STXBP4: variants seen among roughly 807,000 people sequenced by gnomAD.
STXBP4 encodes syntaxin-binding protein 4.
STXBP4 carries 55 observed loss-of-function variants against 76.1 expected under a neutral mutation model. The observed-to-expected ratio is 0.72, with a 90% CI of 0.58 to 0.91. The LOEUF is 0.91. Ranked by LOEUF, STXBP4 falls within the 40% of genes least tolerant of loss-of-function variation. The pLI is 0.00. For missense variants in STXBP4, 618 were observed against 636.9 expected (o/e 0.97, Z 0.32); for synonymous variants, 201 against 220.2 (o/e 0.91, Z 0.77).
At chr17:54,971,747 G>T (rs1214064479) in intron 1 of STXBP4, among the ~76,000 whole-genome samples, 2 of 151,928 alleles carry the variant, frequency 1.3e-5, no homozygotes, top group African/African-American at 4.8e-5. Context: ...CTTCAATCTG[G>T]AATAGTTGCC....
At chr17:55,004,254 C>T (rs1453809893) in intron 7 of STXBP4, among the ~76,000 whole-genome samples, 1 of 151,958 alleles carries the variant, frequency 6.6e-6, no homozygotes, top group Non-Finnish European at 1.5e-5. Context: ...CGCGTAAAGC[C>T]TTAATTCCTT....
the STXBP4 span, among the ~76,000 whole-genome samples, chr17:55,201,860 C>T: frequency 6.6e-6 from 1 of 152,210 alleles, no homozygotes; most frequent in East Asian, 1.9e-4. Flanking sequence ...CTTTTGTCAC[C>T]AAATGCAGCT....
At chr17:55,186,813 C>T in the STXBP4 span, among the ~76,000 whole-genome samples, 5 of 152,164 alleles carry the variant, frequency 3.3e-5, no homozygotes, top group African/African-American at 4.8e-5. Flanking sequence ...ATAAATATCA[C>T]TCCCTTTCTC....
intron 12 of STXBP4, among the ~76,000 whole-genome samples, chr17:55,067,282 T>C (rs995733181): frequency 2.0e-5 from 3 of 152,056 alleles, no homozygotes; most frequent in Non-Finnish European, 2.9e-5. Context: ...AAATATGTGA[T>C]TAATTACAGA....
chr17:55,132,704 G>C (rs2079986012), intron 16 of STXBP4, among the ~76,000 whole-genome samples: 3 of 152,160 alleles, frequency 2.0e-5, no homozygotes, highest in Admixed American at 2.0e-4. Context: ...TTGCATCCTA[G>C]TAAGGAAAGA....
At chr17:55,147,241 C>T (rs145056217) in intron 17 of STXBP4, among the ~76,000 whole-genome samples, 18 of 152,262 alleles carry the variant, frequency 1.2e-4, no homozygotes, top group South Asian at 2.1e-4. Context: ...GGTAGGGGGA[C>T]GGTTTCAGGA....
At chr17:55,090,855 C>CTGTGTG (rs57750914) in intron 16 of STXBP4, among the ~76,000 whole-genome samples, 143 of 147,408 alleles carry the variant, frequency 9.7e-4, no homozygotes, top group African/African-American at 3.2e-3. Context: ...GTGTGTGTGT[C>CTGTGTG]TGTGTGTGTG....
At chr17:55,154,516 A>G (rs1054364410) in intron 17 of STXBP4, among the ~76,000 whole-genome samples, 4 of 152,170 alleles carry the variant, frequency 2.6e-5, no homozygotes, top group South Asian at 4.1e-4. Flanking sequence ...TCAGTAGGAC[A>G]TGTTCTTTGT....
At chr17:55,104,895 A>T (rs1425079565) in intron 16 of STXBP4, among the ~76,000 whole-genome samples, 2 of 151,904 alleles carry the variant, frequency 1.3e-5, no homozygotes, top group Non-Finnish European at 2.9e-5. Flanking sequence ...TTTCTTCTAG[A>T]TTTTCTAGTT....
chr17:55,121,994 A>G lies in STXBP4; in HGVS notation c.1490-19316A>G, dbSNP rs962762965. Among the ~76,000 whole-genome samples the G allele has an allele frequency of 5.9e-5, 9 of 152,054 alleles. No homozygotes were observed. In the East Asian group the frequency reaches 1.4e-3, roughly 23 times the overall value. ...TGAGACCTTCATGCTGTGTCTAGCA[A>G]CCTTTAGGCTCCTTAAAAATAAATA... On this transcript the variant is annotated intron_variant, in intron 16 of 17. Transcript: ENST00000376352.
At chr17:55,143,154 A>G (rs1422709241) in intron 17 of STXBP4, among the ~76,000 whole-genome samples, 1 of 152,206 alleles carries the variant, frequency 6.6e-6, no homozygotes, top group African/African-American at 2.4e-5. Context: ...GCATTATATC[A>G]TTTAATGCTC....
At chr17:55,096,910 T>A (rs1279083172) in intron 16 of STXBP4, among the ~76,000 whole-genome samples, 1 of 152,232 alleles carries the variant, frequency 6.6e-6, no homozygotes, top group Non-Finnish European at 1.5e-5. Context: ...TCTATTTGTA[T>A]GTTTTTCTTC....
chr17:55,055,243 A>C (rs932593791), intron 12 of STXBP4, among the ~76,000 whole-genome samples: 15 of 152,162 alleles, frequency 9.9e-5, no homozygotes, highest in Non-Finnish European at 1.9e-4. Context: ...TGGGGCCTAC[A>C]CATATAAGCA....
At chr17:54,987,813 A>T (rs942147209) in intron 3 of STXBP4, among the ~76,000 whole-genome samples, 2 of 152,158 alleles carry the variant, frequency 1.3e-5, no homozygotes, top group Non-Finnish European at 2.9e-5. Context: ...TTGCATTCCC[A>T]CCAGCAGTGT....
In STXBP4 at chr17:55,166,918, G is replaced by A. The variant is rs1482634364; in HGVS notation, c.*7007G>A. ...CCGGAACTCTGGTTAAAGCTAAGTG[G>A]TCTCTCTCACTGTGGCTGTTCCACT... On this transcript the variant is annotated 3_prime_UTR_variant, in exon 18 of 18. Coordinates refer to ENST00000376352, the MANE Select transcript of STXBP4 (RefSeq NM_178509.6). 1 of 152,256 alleles carries A rather than the reference G, an allele frequency of 6.6e-6. No individual in the cohort carries two copies. The highest frequency in any genetic ancestry group is 1.5e-5 in the Non-Finnish European group (1 of 68,090). The allele number at this position is 152,256 out of a possible 1,614,324, so 9.4% of individuals were successfully genotyped here.
intron 10 of STXBP4, among the ~76,000 whole-genome samples, chr17:55,040,825 T>A (rs1176694137): frequency 6.6e-6 from 1 of 152,196 alleles, no homozygotes; most frequent in Non-Finnish European, 1.5e-5. Flanking sequence ...TTTCAGTAGT[T>A]ACTGATAGAT....
chr17:55,139,597 A>G (rs565752765), intron 16 of STXBP4, among the ~76,000 whole-genome samples: 3 of 152,252 alleles, frequency 2.0e-5, no homozygotes, highest in Non-Finnish European at 2.9e-5. Flanking sequence ...ACAGAAAATA[A>G]ATCTACTTGA....
At chr17:55,095,768 G>A (rs934299968) in intron 16 of STXBP4, among the ~76,000 whole-genome samples, 5 of 151,988 alleles carry the variant, frequency 3.3e-5, no homozygotes, top group Admixed American at 3.3e-4. Flanking sequence ...TAAACTATAT[G>A]GAAAGATCAA....
intron 1 of STXBP4, among the ~76,000 whole-genome samples, chr17:54,977,918 CCAGA>C (rs1175789157): frequency 6.6e-6 from 1 of 152,078 alleles, no homozygotes; most frequent in Non-Finnish European, 1.5e-5. Flanking sequence ...TCCACAGAAA[CCAGA>C]CAGATTATTT....
Sources: allele counts gnomAD v4.1 joint callset (sites outside exome capture counted in the v4.1 genomes callset), GRCh38; gene constraint gnomAD v4.1.1; transcripts MANE v1.5; gene names NCBI Gene and HGNC (gene_info 2026-07-23, HGNC 2026-07-21).